Variants in STPG2 observed in about 807,000 individuals in gnomAD.
STPG2 encodes sperm tail PG-rich repeat containing 2.
A neutral mutation model predicts 54.2 loss-of-function variants in STPG2; 56 were observed. That is an observed-to-expected ratio of 1.03 (90% CI 0.83 to 1.29). The LOEUF is 1.29. Among genes scored for constraint, STPG2 ranks in the 50% most tolerant of loss-of-function variants. The pLI is 0.00. For synonymous variants in STPG2, 200 were observed against 181.8 expected (o/e 1.10, Z -0.81); for missense variants, 596 against 544.9 (o/e 1.09, Z -0.93).
At chr4:97,653,698 G>A (rs1184935198) in intron 10 of STPG2, among the ~76,000 whole-genome samples, 1 of 152,090 alleles carries the variant, frequency 6.6e-6, no homozygotes, top group Non-Finnish European at 1.5e-5. Flanking sequence ...AATGGAAAAA[G>A]TTTGTAGCAG....
At chr4:97,821,247 G>A (rs1451819062) in intron 9 of STPG2, among the ~76,000 whole-genome samples, 1 of 152,124 alleles carries the variant, frequency 6.6e-6, no homozygotes, top group African/African-American at 2.4e-5. Context: ...AGCCCAGCAG[G>A]ACAGTCATAA....
intron 6 of STPG2, among the ~76,000 whole-genome samples, chr4:97,978,103 G>A (rs139068923): frequency 1.7e-3 from 258 of 152,190 alleles, no homozygotes; most frequent in African/African-American, 6.1e-3. Flanking sequence ...TAGATAGAAG[G>A]AAAAGAGTTT....
chr4:97,743,503 A>G (rs891054415), intron 9 of STPG2, among the ~76,000 whole-genome samples: 2 of 151,740 alleles, frequency 1.3e-5, no homozygotes, highest in African/African-American at 4.8e-5. Flanking sequence ...TTTGGTCCAA[A>G]TTGAATCACC....
At chr4:97,897,714 A>G (rs1731012781) in intron 8 of STPG2, among the ~76,000 whole-genome samples, 1 of 152,080 alleles carries the variant, frequency 6.6e-6, no homozygotes, top group Non-Finnish European at 1.5e-5. Flanking sequence ...TCTTTTGAAA[A>G]GTGTGTGTTC....
intron 10 of STPG2, among the ~76,000 whole-genome samples, chr4:97,639,373 T>C (rs755067131): frequency 3.4e-4 from 51 of 151,826 alleles, no homozygotes; most frequent in African/African-American, 1.2e-3. Flanking sequence ...AGGGATGGCA[T>C]TGGGAGATAT....
At chr4:97,697,111 C>T (rs917632762) in intron 10 of STPG2, among the ~76,000 whole-genome samples, 1 of 152,114 alleles carries the variant, frequency 6.6e-6, no homozygotes, top group Admixed American at 6.6e-5. Flanking sequence ...CTGGTCTAAA[C>T]AAAATGGTCA....
At chr4:97,564,435 T>C (rs1207397737) in intron 10 of STPG2, among the ~76,000 whole-genome samples, 4 of 151,814 alleles carry the variant, frequency 2.6e-5, no homozygotes, top group South Asian at 2.1e-4. Flanking sequence ...CCATTTACAT[T>C]TAAAGTTAAT....
At chr4:97,580,327 A>G (rs1377694874) in intron 10 of STPG2, among the ~76,000 whole-genome samples, 1 of 151,972 alleles carries the variant, frequency 6.6e-6, no homozygotes, top group Non-Finnish European at 1.5e-5. Flanking sequence ...ATTATATGAT[A>G]TAATAATATT....
chr4:98,019,043 T>C (rs999772022), intron 5 of STPG2, among the ~76,000 whole-genome samples: 1 of 151,902 alleles, frequency 6.6e-6, no homozygotes, highest in Non-Finnish European at 1.5e-5. Context: ...TTTGTCAATT[T>C]TGGCTTTTGT....
chr4:98,091,068 A>C (rs1312851515), intron 5 of STPG2, among the ~76,000 whole-genome samples: 3 of 151,998 alleles, frequency 2.0e-5, no homozygotes, highest in Non-Finnish European at 4.4e-5. Flanking sequence ...TAAGCAAAAA[A>C]TCTAAGAGTC....
intron 8 of STPG2, among the ~76,000 whole-genome samples, chr4:97,892,517 C>T (rs117326936): frequency 2.4e-4 from 37 of 152,220 alleles, no homozygotes; most frequent in African/African-American, 6.0e-4. Context: ...TACCAAAGAC[C>T]GCATAAGCTA....
At chr4:98,130,959 C>T (rs1366535770) in intron 2 of STPG2, among the ~76,000 whole-genome samples, 1 of 140,524 alleles carries the variant, frequency 7.1e-6, no homozygotes, top group South Asian at 2.4e-4. Flanking sequence ...AACGACTTTC[C>T]AAAATATAGC....
intron 4 of STPG2, among the ~76,000 whole-genome samples, chr4:97,535,647 C>A (rs967680980): frequency 1.3e-5 from 2 of 151,928 alleles, no homozygotes; most frequent in African/African-American, 4.8e-5. Flanking sequence ...AAAGTGTGAC[C>A]CTTTTTCTCT....
intron 9 of STPG2, among the ~76,000 whole-genome samples, chr4:97,780,250 T>A (rs1446192961): frequency 2.6e-4 from 16 of 62,050 alleles, no homozygotes; most frequent in African/African-American, 9.1e-4. Flanking sequence ...ATGAAGAAAA[T>A]GGAAAACAAA....
chr4:97,969,332 C>A (rs559855322), intron 7 of STPG2, among the ~76,000 whole-genome samples: 11 of 152,166 alleles, frequency 7.2e-5, no homozygotes, highest in Admixed American at 2.0e-4. Flanking sequence ...TACTTCTGCA[C>A]AGATGTTATG....
intron 10 of STPG2, among the ~76,000 whole-genome samples, chr4:97,699,176 G>A (rs1024273942): frequency 2.9e-4 from 44 of 152,140 alleles, no homozygotes; most frequent in Non-Finnish European, 5.4e-4. Flanking sequence ...TTGGGCACTC[G>A]ACAGTGGCTG....
intron 8 of STPG2, among the ~76,000 whole-genome samples, chr4:97,864,623 C>T (rs550590564): frequency 5.3e-5 from 8 of 152,064 alleles, no homozygotes; most frequent in Non-Finnish European, 1.0e-4. Flanking sequence ...AAAAAGAGCC[C>T]GCATTGCCAA....
intron 3 of STPG2, among the ~76,000 whole-genome samples, chr4:98,115,311 ATG>A (rs945493030): frequency 6.6e-6 from 1 of 151,984 alleles, no homozygotes; most frequent in African/African-American, 2.4e-5. Flanking sequence ...ATTAGCAAAT[ATG>A]TCAGTATCAT....
At chr4:97,625,181 C>T (rs1169233567) in intron 10 of STPG2, among the ~76,000 whole-genome samples, 1 of 152,184 alleles carries the variant, frequency 6.6e-6, no homozygotes, top group Non-Finnish European at 1.5e-5. Context: ...ATGTAATAGA[C>T]ATCTTAGAAA....
Sources: gnomAD v4.1 joint callset for allele counts (sites outside exome capture counted in the v4.1 genomes callset) on GRCh38, gnomAD v4.1.1 for gene constraint, MANE v1.5 for transcripts, NCBI Gene and HGNC (gene_info 2026-07-23, HGNC 2026-07-21) for gene names.